The following CRYBA4 variants were observed in gnomAD, a reference collection of about 807,000 sequenced individuals.
The protein encoded by CRYBA4 is beta-crystallin A4.
A neutral mutation model predicts 31.7 loss-of-function variants in CRYBA4; 30 were observed. The observed-to-expected ratio is 0.95, with a 90% confidence interval of 0.71 to 1.28. The LOEUF (loss-of-function observed/expected upper bound fraction) is 1.28, where lower values mean the gene tolerates loss of function less well. Among genes scored for constraint, CRYBA4 ranks in the 50% most tolerant of loss-of-function variants. The pLI, the probability that CRYBA4 is intolerant of heterozygous loss-of-function variation, is 0.00. For synonymous variants in CRYBA4, 102 were observed against 102.3 expected, an observed-to-expected ratio of 1.00 and a Z score of 0.02; for missense variants, 225 against 260.7, an observed-to-expected ratio of 0.86 and a Z score of 0.94.
the CRYBA4 span, among the ~76,000 whole-genome samples, chr22:26,603,631 G>A: frequency 5.3e-5 from 8 of 151,340 alleles, no homozygotes; most frequent in South Asian, 4.2e-4. Flanking sequence ...CTGGCCGGGC[G>A]CGGTGGCTCA....
chr22:26,605,796 A>G, the CRYBA4 span, among the ~76,000 whole-genome samples: 1 of 150,834 alleles, frequency 6.6e-6, no homozygotes, highest in Non-Finnish European at 1.5e-5. Flanking sequence ...TTCCCACGAC[A>G]GGGGGCTGGA....
upstream of CRYBA4, among the ~76,000 whole-genome samples, chr22:26,618,549 C>T (rs918545811): frequency 2.0e-5 from 3 of 152,214 alleles, no homozygotes; most frequent in South Asian, 2.1e-4. Flanking sequence ...GCCTTTTTTA[C>T]GGAGTGCTTA....
At chr22:26,591,710 C>T in the CRYBA4 span, among the ~76,000 whole-genome samples, 3 of 150,286 alleles carry the variant, frequency 2.0e-5, no homozygotes, top group African/African-American at 7.4e-5. Flanking sequence ...CACTGCACTC[C>T]CACCTGGGCG....
At chr22:26,629,056 A>C (rs1929839167) in intron 5 of CRYBA4, among the ~76,000 whole-genome samples, 1 of 152,196 alleles carries the variant, frequency 6.6e-6, no homozygotes, top group Non-Finnish European at 1.5e-5. Flanking sequence ...GCCATAAAAC[A>C]CAGGTGTGGC....
At chr22:26,612,574 A>T in the CRYBA4 span, among the ~76,000 whole-genome samples, 1 of 152,190 alleles carries the variant, frequency 6.6e-6, no homozygotes, top group African/African-American at 2.4e-5. Context: ...GCTGGTCTCG[A>T]ATTCCTGAGC....
Position 26,623,366 on chromosome 22 carries a change from G to T in CRYBA4, c.158+14G>T. ...GCTGAGTGGAGCGTGAGTCTAGGGGGACACTGAGTTGGGGTAGAGGGTGGA... is the reference window on the plus strand; with the variant it reads ...GCTGAGTGGAGCGTGAGTCTAGGGGTACACTGAGTTGGGGTAGAGGGTGGA... On this transcript the variant is annotated intron_variant, in intron 3 of 5. Coordinates refer to ENST00000354760, the MANE Select transcript of CRYBA4 (RefSeq NM_001886.3). 1 of 1,600,624 alleles carries T rather than the reference G, an allele frequency of 6.2e-7. No individual in the cohort carries two copies. The highest frequency in any genetic ancestry group is 1.1e-5 in the South Asian group (1 of 90,844).
intron 4 of CRYBA4, 141 bp downstream of exon 4, chr22:26,625,763 A>G (rs1929685106): frequency 1.3e-6 from 1 of 798,402 alleles, no homozygotes; most frequent in South Asian, 1.7e-5. Context: ...TTCCTCTCCA[A>G]GCCTCGGTTT....
the CRYBA4 span, chr22:26,611,982 C>G: frequency 1.1e-6 from 1 of 941,420 alleles, no homozygotes; most frequent in East Asian, 2.4e-5. Flanking sequence ...CGGCCGCAGG[C>G]ACAGAGCAGA....
At chr22:26,627,325 T>C (rs1279555591) in intron 4 of CRYBA4, among the ~76,000 whole-genome samples, 1 of 131,472 alleles carries the variant, frequency 7.6e-6, no homozygotes, top group Non-Finnish European at 1.6e-5. Flanking sequence ...TTTTCTTTTC[T>C]TTTCCTTTCC....
At chr22:26,628,698 C>T (rs148703540) in intron 5 of CRYBA4, among the ~76,000 whole-genome samples, 1 of 152,186 alleles carries the variant, frequency 6.6e-6, no homozygotes, top group Non-Finnish European at 1.5e-5. Flanking sequence ...TCTCTCCCCC[C>T]ACAACCCCCA....
At chr22:26,625,410 C>A in intron 3 of CRYBA4, 71 bp from the exon 4 acceptor site, 7 of 1,569,010 alleles carry the variant, frequency 4.5e-6, no homozygotes, top group Non-Finnish European at 6.1e-6. Context: ...CCGTTCTAGA[C>A]CCAATTGCTG....
chr22:26,602,502 G>T, the CRYBA4 span, among the ~76,000 whole-genome samples: 11 of 151,374 alleles, frequency 7.3e-5, no homozygotes, highest in Non-Finnish European at 1.5e-4. Context: ...GAGGCAGGAG[G>T]ATTGCTTGAG....
the CRYBA4 span, among the ~76,000 whole-genome samples, chr22:26,613,834 C>T: frequency 6.6e-6 from 1 of 152,226 alleles, no homozygotes; most frequent in African/African-American, 2.4e-5. Context: ...AGCCATATTT[C>T]TCTTCTTTCA....
chr22:26,603,541 A>G, the CRYBA4 span, among the ~76,000 whole-genome samples: 1 of 151,652 alleles, frequency 6.6e-6, no homozygotes, highest in East Asian at 1.9e-4. Context: ...CAACAACAAC[A>G]AAAAAGAATG....
chr22:26,614,492 T>C, the CRYBA4 span, among the ~76,000 whole-genome samples: 1 of 152,168 alleles, frequency 6.6e-6, no homozygotes, highest in Non-Finnish European at 1.5e-5. Context: ...GTCCAAGCCA[T>C]GCTGTTCACG....
upstream of CRYBA4, among the ~76,000 whole-genome samples, chr22:26,619,996 T>C (rs1207268260): frequency 7.3e-6 from 1 of 137,694 alleles, no homozygotes. Context: ...TTTTCTTTTT[T>C]TCTTTTCTTT....
the CRYBA4 span, among the ~76,000 whole-genome samples, chr22:26,602,743 A>G: frequency 6.6e-6 from 1 of 152,316 alleles, no homozygotes; most frequent in East Asian, 1.9e-4. Context: ...CTGTGCCATC[A>G]GGAGTTTAAC....
the CRYBA4 span, among the ~76,000 whole-genome samples, chr22:26,608,635 G>T: frequency 2.0e-5 from 3 of 151,762 alleles, no homozygotes; most frequent in Non-Finnish European, 4.4e-5. Context: ...GTGGTGTCAG[G>T]GTTCTTTTAA....
the CRYBA4 span, among the ~76,000 whole-genome samples, chr22:26,591,928 C>G: frequency 3.5e-5 from 5 of 140,932 alleles, no homozygotes; most frequent in Non-Finnish European, 7.8e-5. Flanking sequence ...CACACACACA[C>G]AGAAACTAGG....
Sources: gnomAD v4.1 joint callset for allele counts (sites outside exome capture counted in the v4.1 genomes callset) on GRCh38, gnomAD v4.1.1 for gene constraint, MANE v1.5 for transcripts, NCBI Gene and HGNC (gene_info 2026-07-23, HGNC 2026-07-21) for gene names.